DIXDC1: variants seen among roughly 807,000 people sequenced by gnomAD.
The protein encoded by DIXDC1 is dixin.
A neutral mutation model predicts 103.1 loss-of-function variants in DIXDC1; 64 were observed. That is an observed-to-expected ratio of 0.62 (90% CI 0.51 to 0.76). The LOEUF (loss-of-function observed/expected upper bound fraction) is 0.76, where lower values mean the gene tolerates loss of function less well. Ranked by LOEUF, DIXDC1 falls within the 30% of genes least tolerant of loss-of-function variation. DIXDC1 has a pLI of 0.00. For missense variants in DIXDC1, 759 were observed against 834.2 expected, an observed-to-expected ratio of 0.91 and a Z score of 1.11; for synonymous variants, 266 against 298.5, an observed-to-expected ratio of 0.89 and a Z score of 1.12.
chr11:112,020,888 A>C lies in DIXDC1; in HGVS notation c.*1852A>C, dbSNP rs587654441. 1 of 152,374 alleles carries C rather than the reference A, an allele frequency of 6.6e-6. No homozygotes were observed. Among genetic ancestry groups the C allele is most frequent in the East Asian group, 1.9e-4 (1 of 5,184 alleles). The allele number at this position is 152,374 out of a possible 1,614,324, so 9.4% of individuals were successfully genotyped here. On this transcript the variant is annotated 3_prime_UTR_variant, in exon 20 of 20. Transcript: ENST00000440460. ...AAAAGAAAGAATGCATTTCGAAAGC[A>C]AACAGAAGAAAAAAGTATATTCTCA...
At chr11:111,992,710 G>T (rs1860748161) in intron 11 of DIXDC1, among the ~76,000 whole-genome samples, 191 bp downstream of exon 11, 1 of 152,124 alleles carries the variant, frequency 6.6e-6, no homozygotes, top group Non-Finnish European at 1.5e-5. Flanking sequence ...CATCATACTG[G>T]GCAGGAAGGT....
At chr11:111,930,214 G>A (rs1965967128) in intron 2 of DIXDC1, among the ~76,000 whole-genome samples, 1 of 152,064 alleles carries the variant, frequency 6.6e-6, no homozygotes, top group Non-Finnish European at 1.5e-5. Flanking sequence ...TAATTACAGA[G>A]CATTGGAAAA....
At chr11:111,990,151 C>T (rs587698677) in intron 10 of DIXDC1, among the ~76,000 whole-genome samples, 68 of 146,738 alleles carry the variant, frequency 4.6e-4, no homozygotes, top group African/African-American at 1.5e-3. Context: ...AGTGCAGTGG[C>T]GTGATCTTGG....
intron 17 of DIXDC1, among the ~76,000 whole-genome samples, chr11:112,006,683 C>T (rs1482646680): frequency 7.9e-5 from 12 of 152,202 alleles, no homozygotes; most frequent in Admixed American, 5.9e-4. Flanking sequence ...AGTGGACCTC[C>T]AGCAAACTCC....
chr11:111,979,382 G>T (rs1860224527), intron 5 of DIXDC1, among the ~76,000 whole-genome samples: 1 of 152,168 alleles, frequency 6.6e-6, no homozygotes, highest in South Asian at 2.1e-4. Context: ...CATTAAGTGG[G>T]TCAGTGAATC....
intron 17 of DIXDC1, among the ~76,000 whole-genome samples, chr11:112,013,872 G>A (rs1174142221): frequency 6.6e-6 from 1 of 152,166 alleles, no homozygotes; most frequent in Non-Finnish European, 1.5e-5. Context: ...CTGGAAAGTT[G>A]GGCATCTGGT....
chr11:111,932,678 T>C (rs1328485962), upstream of DIXDC1, among the ~76,000 whole-genome samples: 5 of 152,188 alleles, frequency 3.3e-5, no homozygotes, highest in Admixed American at 1.3e-4. Flanking sequence ...TGGTGATTAC[T>C]TTGGCGACAT....
At chr11:111,997,573 TCA>T (rs1472615962) in intron 17 of DIXDC1, among the ~76,000 whole-genome samples, 9 of 152,236 alleles carry the variant, frequency 5.9e-5, no homozygotes, top group African/African-American at 4.8e-5. Context: ...AGAATTAGTT[TCA>T]GTTTCCTTTT....
chr11:112,016,052 A>AC (rs1861579773), intron 17 of DIXDC1: 1 of 144,562 alleles, frequency 6.9e-6, no homozygotes, highest in Non-Finnish European at 1.5e-5. Flanking sequence ...CTCGTGATCC[A>AC]CCCCCCTCGG....
upstream of DIXDC1, chr11:111,937,251 T>C: frequency 8.0e-7 from 1 of 1,245,094 alleles, no homozygotes; most frequent in Non-Finnish European, 1.0e-6. Context: ...CCGCTCAACC[T>C]AGTGCGCGCC....
Position 111,977,204 on chromosome 11 carries a change from C to T in DIXDC1, c.656+2221C>T. ...GCCCCTGGCCCGCACCCTCAACCTC[C>T]GTCCAGAGCGGTCGGTTGGCCAGCG... On this transcript the variant is annotated intron_variant, in intron 5 of 19. Transcript: ENST00000440460. The surrounding 1 kb of genome is among the most constrained non-coding windows in gnomAD (Gnocchi z 6.1). 7 of 975,044 alleles carry T rather than the reference C, an allele frequency of 7.2e-6. No individual in the cohort carries two copies. The highest frequency in any genetic ancestry group is 8.5e-6 in the Non-Finnish European group (7 of 819,728). The allele number at this position is 975,044 out of a possible 1,614,324, so 60.4% of individuals were successfully genotyped here.
upstream of DIXDC1, among the ~76,000 whole-genome samples, chr11:111,933,207 C>T (rs1395242621): frequency 6.6e-6 from 1 of 152,058 alleles, no homozygotes; most frequent in Non-Finnish European, 1.5e-5. Context: ...CGGCTCACCT[C>T]AACCTCCACC....
At chr11:111,973,048 A>G (rs1228432007) in intron 3 of DIXDC1, among the ~76,000 whole-genome samples, 2 of 150,118 alleles carry the variant, frequency 1.3e-5, no homozygotes, top group African/African-American at 2.5e-5. Flanking sequence ...GAAAAAAAAA[A>G]AGAGTTTCTA....
chr11:112,009,548 C>T (rs1319135688), intron 17 of DIXDC1, among the ~76,000 whole-genome samples: 9 of 152,092 alleles, frequency 5.9e-5, no homozygotes, highest in South Asian at 2.1e-4. Flanking sequence ...AACATCAATG[C>T]GAAAATCTTC....
chr11:111,993,126 C>CT, intron 12 of DIXDC1, 122 bp downstream of exon 12: 1 of 1,153,834 alleles, frequency 8.7e-7, no homozygotes. Context: ...TTTATCCTTG[C>CT]TTTTTAGAAG....
chr11:111,947,757 C>G (rs1258040096), intron 1 of DIXDC1, among the ~76,000 whole-genome samples: 4 of 152,200 alleles, frequency 2.6e-5, no homozygotes, highest in Non-Finnish European at 5.9e-5. Flanking sequence ...TGCCATTGAA[C>G]AGATTCACGT....
Position 111,976,593 on chromosome 11 carries a change from G to A in DIXDC1, c.656+1610G>A, listed in dbSNP as rs1860103449. On this transcript the variant is annotated intron_variant, in intron 5 of 19. Transcript: ENST00000440460. The surrounding 1 kb of genome is among the most constrained non-coding windows in gnomAD (Gnocchi z 4.3). ...GCTATCTGGAACCCAGCAGGTTCCCGCACATTCTGAGCCCTCGCCCCCAGG... is the reference window on the plus strand; with the variant it reads ...GCTATCTGGAACCCAGCAGGTTCCCACACATTCTGAGCCCTCGCCCCCAGG... Among the ~76,000 whole-genome samples, 1 of 152,096 alleles carries A rather than the reference G, an allele frequency of 6.6e-6. No homozygotes were observed. The highest frequency in any genetic ancestry group is 1.5e-5 in the Non-Finnish European group (1 of 68,014).
At chr11:111,950,955 G>A (rs1312022905) in intron 1 of DIXDC1, among the ~76,000 whole-genome samples, 1 of 152,074 alleles carries the variant, frequency 6.6e-6, no homozygotes, top group Non-Finnish European at 1.5e-5. Flanking sequence ...CTGTGGAATA[G>A]CAGTAATTCT....
At position 111,985,164 on chromosome 11, in the gene DIXDC1, C is replaced by T. The variant is rs1219856873; in HGVS notation, c.919-68C>T. The T allele has an allele frequency of 3.2e-5, 41 of 1,299,724 alleles. No individual in the cohort carries two copies. The African/African-American group carries it at 5.9e-4, about 19-fold the overall frequency. 80.5% of individuals were successfully genotyped at this position (1,299,724 alleles called of 1,614,324 possible). ...TGATTTTAACTTGGGGTGAGCTTACCAAGTTCAACTCTGGACTAAGTCATC... is the reference window on the plus strand; with the variant it reads ...TGATTTTAACTTGGGGTGAGCTTACTAAGTTCAACTCTGGACTAAGTCATC... On this transcript the variant is annotated intron_variant, in intron 7 of 19. Transcript: ENST00000440460.
Sources: gnomAD v4.1 joint callset for allele counts (sites outside exome capture counted in the v4.1 genomes callset) on GRCh38, gnomAD v4.1.1 for gene constraint, Gnocchi (gnomAD v3.1) non-coding constraint, MANE v1.5 for transcripts, NCBI Gene and HGNC (gene_info 2026-07-23, HGNC 2026-07-21) for gene names.